Variants in ARHGAP29 observed in about 807,000 individuals in gnomAD.
ARHGAP29 encodes rho GTPase-activating protein 29.
Under a neutral mutation model 122.6 loss-of-function variants are expected in ARHGAP29, and 43 were observed. The ratio of observed to expected loss-of-function variants is 0.35; its 90% confidence interval spans 0.27 to 0.45. The LOEUF is 0.45. Ranked by LOEUF, ARHGAP29 falls within the 20% of genes least tolerant of loss-of-function variation. The pLI is 1.00. For missense variants in ARHGAP29, 1,303 were observed against 1,477.2 expected (o/e 0.88, Z 1.93); for synonymous variants, 506 against 497.1 (o/e 1.02, Z -0.24).
intron 12 of ARHGAP29, chr1:94,192,014 T>C (rs1175800313): frequency 2.0e-5 from 3 of 152,146 alleles, no homozygotes; most frequent in Non-Finnish European, 4.4e-5. Flanking sequence ...CAAAAGTAAA[T>C]GGCCTAAATG....
the ARHGAP29 span, among the ~76,000 whole-genome samples, chr1:94,294,726 G>T: frequency 5.9e-5 from 9 of 152,128 alleles, no homozygotes; most frequent in African/African-American, 1.7e-4. Context: ...AGGGCTAAAT[G>T]GCAAGATCAT....
intron 2 of ARHGAP29, among the ~76,000 whole-genome samples, chr1:94,226,821 T>G (rs1188875483): frequency 6.6e-6 from 1 of 151,994 alleles, no homozygotes; most frequent in Admixed American, 6.6e-5. Context: ...TAAGTGATAT[T>G]CATTAGGAAT....
intron 1 of ARHGAP29, among the ~76,000 whole-genome samples, chr1:94,268,374 C>A (rs1192441786): frequency 6.6e-6 from 1 of 152,110 alleles, no homozygotes; most frequent in Non-Finnish European, 1.5e-5. Context: ...GTCCCAGGAA[C>A]TTTCACCCTC....
chr1:94,208,939 A>G, intron 4 of ARHGAP29, 35 bp from the exon 5 acceptor site: 2 of 1,565,090 alleles, frequency 1.3e-6, no homozygotes, highest in African/African-American at 1.4e-5. Flanking sequence ...AAGACAAGTC[A>G]TTATACTTCT....
At chr1:94,180,230 G>A (rs1480682622) in intron 19 of ARHGAP29, among the ~76,000 whole-genome samples, 1 of 151,990 alleles carries the variant, frequency 6.6e-6, no homozygotes, top group Non-Finnish European at 1.5e-5. Context: ...TACAAGTCTG[G>A]TATATATCCT....
At position 94,170,984 on chromosome 1, in the gene ARHGAP29, T is replaced by G. The variant is rs1258586023; in HGVS notation, c.*2885A>C. ...TGTAGCAAATTTGCTAACTCCTAGA[T>G]GTTAACTGAATAGTCTACATATATA... On this transcript the variant is annotated 3_prime_UTR_variant, in exon 23 of 23. Coordinates refer to ENST00000260526, the MANE Select transcript of ARHGAP29 (RefSeq NM_004815.4). Among the ~76,000 whole-genome samples the G allele has an allele frequency of 6.6e-6, 1 of 152,222 alleles. No homozygotes were observed. Among genetic ancestry groups the G allele is most frequent in the Non-Finnish European group, 1.5e-5 (1 of 68,040 alleles).
intron 12 of ARHGAP29, 65 bp downstream of exon 12, chr1:94,201,655 G>A: frequency 1.3e-6 from 2 of 1,590,578 alleles, no homozygotes; most frequent in South Asian, 1.1e-5. Flanking sequence ...TTACAGGTGT[G>A]AGCCACCATG....
chr1:94,218,619 T>C (rs1318666055), intron 3 of ARHGAP29, among the ~76,000 whole-genome samples: 1 of 152,238 alleles, frequency 6.6e-6, no homozygotes, highest in East Asian at 1.9e-4. Context: ...TAAAGTTAAA[T>C]GGTACTTGTA....
intron 19 of ARHGAP29, among the ~76,000 whole-genome samples, chr1:94,181,640 G>C (rs750643026): frequency 5.3e-5 from 8 of 152,100 alleles, no homozygotes; most frequent in Non-Finnish European, 1.0e-4. Context: ...TAAAGCTCAA[G>C]GTCTTCGAAG....
Position 94,174,105 on chromosome 1 carries a change from C to G in ARHGAP29, c.3550G>C (p.Ala1184Pro). The change falls in exon 23 of 23, where the codon GCT (alanine) becomes CCT (proline). Residue 1184 changes from alanine to proline, a missense_variant. Physicochemically the swap from Ala to Pro is conservative, Grantham distance 27 (BLOSUM62 -1). Transcript: ENST00000260526. Reference protein sequence around the residue: ...ISIRGNEEKPASPSAAVPPGT... With the variant: ...ISIRGNEEKPPSPSAAVPPGT... ...GGAGGCACTGCTGCTGAGGGTGAAG[C>G]TGGCTTCTCCTCATTCCCCCTGATA... The G allele has an allele frequency of 6.2e-7, 1 of 1,614,198 alleles. No individual in the cohort carries two copies. Among genetic ancestry groups the G allele is most frequent in the Non-Finnish European group, 8.5e-7 (1 of 1,180,044 alleles).
intron 1 of ARHGAP29, among the ~76,000 whole-genome samples, chr1:94,262,570 C>T (rs760926849): frequency 6.6e-6 from 1 of 152,002 alleles, no homozygotes; most frequent in African/African-American, 2.4e-5. Context: ...AAACCAACAA[C>T]CCACTTAAAA....
the ARHGAP29 span, among the ~76,000 whole-genome samples, chr1:94,288,518 A>T: frequency 6.6e-6 from 1 of 152,044 alleles, no homozygotes. Flanking sequence ...CCCATTTGTC[A>T]ATTTTGGCTT....
the ARHGAP29 span, among the ~76,000 whole-genome samples, chr1:94,288,019 G>A: frequency 6.6e-6 from 1 of 152,288 alleles, no homozygotes; most frequent in Admixed American, 6.5e-5. Context: ...TATATACCCA[G>A]TAATGGGATT....
intron 15 of ARHGAP29, 64 bp from the exon 16 acceptor site, chr1:94,186,661 G>T (rs1369623504): frequency 3.3e-6 from 4 of 1,222,812 alleles, no homozygotes; most frequent in South Asian, 1.3e-5. Flanking sequence ...AATAGGAAAT[G>T]ACAACACTTT....
chr1:94,231,713 A>T, intron 1 of ARHGAP29, 70 bp from the exon 2 acceptor site: 1 of 1,168,502 alleles, frequency 8.6e-7, no homozygotes, highest in Non-Finnish European at 1.2e-6. Flanking sequence ...TAAATCAGCC[A>T]GGGAAATATT....
In ARHGAP29 at chr1:94,271,710, T is replaced by C. The variant is rs530972929; in HGVS notation, c.-33+3302A>G. On this transcript the variant is annotated intron_variant and NMD_transcript_variant, in intron 1 of 25. Coordinates refer to the ARHGAP29 transcript ENST00000552844. ...GAGACTGCATCCCCTCTCTGAAGAA[T>C]ACAAAAGGTGGAACAGGAGTAGTCT... 3.3e-5 allele frequency among the ~76,000 whole-genome samples: 5 copies of C among 152,262 alleles called. No individual in the cohort carries two copies. The South Asian group carries it at 1.0e-3, about 32-fold the overall frequency.
At chr1:94,278,354 A>G, upstream of ARHGAP29, among the ~76,000 whole-genome samples, 1 of 152,286 alleles carries the variant, frequency 6.6e-6, no homozygotes, top group South Asian at 2.1e-4. Context: ...TTTAATTTTA[A>G]CTTTAAGAAA....
the ARHGAP29 span, among the ~76,000 whole-genome samples, chr1:94,310,725 G>A: frequency 1.3e-5 from 2 of 151,886 alleles, no homozygotes; most frequent in African/African-American, 4.8e-5. Flanking sequence ...TCAATGTTGT[G>A]TTTATACCCT....
chr1:94,306,156 TC>T, the ARHGAP29 span, among the ~76,000 whole-genome samples: 1 of 152,218 alleles, frequency 6.6e-6, no homozygotes, highest in Non-Finnish European at 1.5e-5. Context: ...GCCCTGGGTA[TC>T]ATTGGGATTG....
Sources: gnomAD v4.1 joint callset for allele counts (sites outside exome capture counted in the v4.1 genomes callset) on GRCh38, gnomAD v4.1.1 for gene constraint, MANE v1.5 for transcripts, NCBI Gene and HGNC (gene_info 2026-07-23, HGNC 2026-07-21) for gene names.